CAMTA1: variants seen among roughly 807,000 people sequenced by gnomAD.
CAMTA1 encodes the protein calmodulin binding transcription activator 1, also known as calmodulin-binding transcription activator 1.
Under a neutral mutation model 170.9 loss-of-function variants are expected in CAMTA1, and 27 were observed. The observed-to-expected ratio is 0.16, with a 90% CI of 0.12 to 0.22. The LOEUF (loss-of-function observed/expected upper bound fraction) is 0.22, where lower values mean the gene tolerates loss of function less well. CAMTA1 is among the 10% of genes least tolerant of loss of function. CAMTA1 has a pLI of 1.00. For synonymous variants in CAMTA1, 833 were observed against 891.5 expected (o/e 0.93, Z 1.17); for missense variants, 1,619 against 2,217.2 (o/e 0.73, Z 5.42).
rs1166823061 is a variant in CAMTA1 at position 7,146,271 on chromosome 1, G to A, written c.302+54900G>A. Among the ~76,000 whole-genome samples, 1 of 152,136 alleles carries A rather than the reference G, an allele frequency of 6.6e-6. No individual in the cohort carries two copies. Among genetic ancestry groups the A allele is most frequent in the Non-Finnish European group, 1.5e-5 (1 of 68,030 alleles). Reference sequence around the variant, plus strand: ...CCCTGAACCCGGTGCCTGCTCATGAGCCAGTCTCCCTCTTGGCTTATGTAG... The same window carrying A: ...CCCTGAACCCGGTGCCTGCTCATGAACCAGTCTCCCTCTTGGCTTATGTAG... On this transcript the variant is annotated intron_variant, in intron 4 of 22. Transcript: ENST00000303635. This position sits in a 1 kb window ranked among gnomAD's most constrained non-coding sequence, Gnocchi z 4.3.
At chr1:6,888,512 T>C (rs1673811166) in intron 3 of CAMTA1, among the ~76,000 whole-genome samples, 1 of 152,182 alleles carries the variant, frequency 6.6e-6, no homozygotes, top group Non-Finnish European at 1.5e-5. Context: ...AGTGAGAGTC[T>C]AGAAAGAAAC....
chr1:7,545,979 G>T (rs1216944843), intron 6 of CAMTA1, among the ~76,000 whole-genome samples: 2 of 144,926 alleles, frequency 1.4e-5, no homozygotes, highest in African/African-American at 5.1e-5. Flanking sequence ...TTTTTGAGAC[G>T]GAGTCTCGCT....
intron 5 of CAMTA1, among the ~76,000 whole-genome samples, chr1:7,357,513 G>T (rs556215928): frequency 6.6e-6 from 1 of 152,294 alleles, no homozygotes; most frequent in African/African-American, 2.4e-5. Flanking sequence ...TAGGGGTCAC[G>T]ATTTCCATCT....
intron 11 of CAMTA1, among the ~76,000 whole-genome samples, chr1:7,705,182 G>T (rs1053821705): frequency 6.6e-6 from 1 of 151,464 alleles, no homozygotes; most frequent in South Asian, 2.1e-4. Context: ...CCGGTGTGAG[G>T]GGCGTGTTTC....
At chr1:7,504,368 C>G (rs2094064253) in intron 6 of CAMTA1, among the ~76,000 whole-genome samples, 2 of 152,242 alleles carry the variant, frequency 1.3e-5, no homozygotes, top group Non-Finnish European at 2.9e-5. Flanking sequence ...TGTCCTGCCC[C>G]CTTGCTGCCT....
intron 5 of CAMTA1, among the ~76,000 whole-genome samples, chr1:7,436,036 G>T (rs1036213861): frequency 6.6e-6 from 1 of 152,218 alleles, no homozygotes; most frequent in African/African-American, 2.4e-5. Context: ...GGGAGGCTCT[G>T]GGCTTTCTTA....
At chr1:7,445,716 A>T (rs2092662642) in intron 5 of CAMTA1, among the ~76,000 whole-genome samples, 1 of 152,214 alleles carries the variant, frequency 6.6e-6, no homozygotes, top group Non-Finnish European at 1.5e-5. Context: ...AAGAGTCTGG[A>T]ACTCAGTTTA....
chr1:7,622,216 A>G (rs1170385258), intron 6 of CAMTA1, among the ~76,000 whole-genome samples: 3 of 152,148 alleles, frequency 2.0e-5, no homozygotes, highest in African/African-American at 7.2e-5. Context: ...AATCCTCTCA[A>G]TGGCTTTTGA....
intron 3 of CAMTA1, among the ~76,000 whole-genome samples, chr1:6,920,242 G>A (rs111531264): frequency 0.012 from 1,836 of 152,308 alleles, 22 homozygotes; most frequent in South Asian, 0.032. Flanking sequence ...AGGGGTTACA[G>A]GGCCCATGCA....
chr1:7,721,941 A>T (rs779958322), intron 11 of CAMTA1, among the ~76,000 whole-genome samples: 11 of 152,042 alleles, frequency 7.2e-5, no homozygotes, highest in Non-Finnish European at 1.5e-4. Flanking sequence ...TTTTAAACTA[A>T]ATTATCTGAT....
At chr1:7,746,353 C>G (rs984856066) in intron 18 of CAMTA1, among the ~76,000 whole-genome samples, 1 of 152,106 alleles carries the variant, frequency 6.6e-6, no homozygotes, top group Non-Finnish European at 1.5e-5. Context: ...AGTGTGGGGG[C>G]ATTAAGTATA....
rs551877565 is a variant in CAMTA1 at position 7,597,117 on chromosome 1, C to T, written c.511-43283C>T. Reference sequence around the variant, plus strand: ...CCCAGGCACCCAGCAAACACGAGCCCACTTACCCAGTGGACACGAGCCCAC... The same window carrying T: ...CCCAGGCACCCAGCAAACACGAGCCTACTTACCCAGTGGACACGAGCCCAC... On this transcript the variant is annotated intron_variant, in intron 6 of 22. Coordinates refer to ENST00000303635, the MANE Select transcript of CAMTA1 (RefSeq NM_015215.4). 3.9e-5 allele frequency among the ~76,000 whole-genome samples: 6 copies of T among 152,268 alleles called. No individual in the cohort carries two copies. The South Asian group carries it at 1.0e-3, about 26-fold the overall frequency.
intron 6 of CAMTA1, among the ~76,000 whole-genome samples, chr1:7,630,684 C>A (rs999462293): frequency 2.0e-5 from 3 of 152,376 alleles, no homozygotes; most frequent in African/African-American, 7.2e-5. Flanking sequence ...TGAGGGCAGC[C>A]ATGGGAAGGT....
intron 5 of CAMTA1, among the ~76,000 whole-genome samples, chr1:7,358,929 G>A (rs1293647069): frequency 1.3e-5 from 2 of 152,144 alleles, no homozygotes; most frequent in Non-Finnish European, 2.9e-5. Flanking sequence ...AGAAGCAGAG[G>A]AGCCTCCAGC....
At chr1:7,740,073 A>G (rs2150034547) in intron 16 of CAMTA1, among the ~76,000 whole-genome samples, 1 of 152,316 alleles carries the variant, frequency 6.6e-6, no homozygotes, top group South Asian at 2.1e-4. Flanking sequence ...ACACATGGGA[A>G]TTATGGGAGC....
rs2095855434 is a variant in CAMTA1, at chr1:7,652,680, C to T, written c.665-9046C>T. 3.3e-5 allele frequency among the ~76,000 whole-genome samples: 5 copies of T among 152,140 alleles called. No individual in the cohort carries two copies. The South Asian group carries it at 1.0e-3, about 32-fold the overall frequency. ...CCCTGGTGAAGGGGCCGAGGGAAAC[C>T]AGACTTCCCTCCAGGAAGTGAAGTG... On this transcript the variant is annotated intron_variant, in intron 7 of 22. Coordinates refer to ENST00000303635, the MANE Select transcript of CAMTA1 (RefSeq NM_015215.4).
At chr1:7,374,465 G>T (rs895648773) in intron 5 of CAMTA1, among the ~76,000 whole-genome samples, 16 of 152,238 alleles carry the variant, frequency 1.1e-4, no homozygotes, top group Admixed American at 2.6e-4. Flanking sequence ...ACGCAGGCAT[G>T]GGGAGAGGAG....
intron 5 of CAMTA1, among the ~76,000 whole-genome samples, chr1:7,376,719 A>C (rs970787740): frequency 6.6e-6 from 1 of 152,200 alleles, no homozygotes; most frequent in Non-Finnish European, 1.5e-5. Flanking sequence ...TGGTGGAGCT[A>C]GGACTTGAAC....
intron 5 of CAMTA1, among the ~76,000 whole-genome samples, chr1:7,275,035 G>T (rs901272012): frequency 6.6e-6 from 1 of 151,362 alleles, no homozygotes; most frequent in African/African-American, 2.4e-5. Context: ...CCAGCTACTT[G>T]TGAGGCTGAG....
Sources: allele counts gnomAD v4.1 joint callset (sites outside exome capture counted in the v4.1 genomes callset), GRCh38; gene constraint gnomAD v4.1.1; non-coding constraint Gnocchi (gnomAD v3.1); transcripts MANE v1.5; gene names NCBI Gene and HGNC (gene_info 2026-07-23, HGNC 2026-07-21).